Variants in RGS6 observed in about 807,000 individuals in gnomAD.
RGS6 encodes the protein regulator of G protein signaling 6.
A neutral mutation model predicts 78.5 loss-of-function variants in RGS6; 30 were observed. That is an observed-to-expected ratio of 0.38 (90% CI 0.29 to 0.52). The LOEUF (loss-of-function observed/expected upper bound fraction) is 0.52, where lower values mean the gene tolerates loss of function less well. RGS6 is among the 20% of genes least tolerant of loss of function. The probability of loss-of-function intolerance (pLI) is 0.85; values close to 1 mark genes in which losing one functional copy is unlikely to be tolerated. For missense variants in RGS6, 495 were observed against 609.7 expected (o/e 0.81, Z 1.98); for synonymous variants, 206 against 206.0 (o/e 1.00, Z 0.00).
At chr14:72,004,653 G>A (rs937364333) in intron 2 of RGS6, among the ~76,000 whole-genome samples, 4 of 151,952 alleles carry the variant, frequency 2.6e-5, no homozygotes, top group African/African-American at 9.7e-5. Flanking sequence ...GGGCAACATG[G>A]TAAAACCCTG....
intron 2 of RGS6, among the ~76,000 whole-genome samples, chr14:72,187,464 A>T (rs10483841): frequency 0.14 from 22,046 of 152,166 alleles, 1,715 homozygotes; most frequent in South Asian, 0.2. Context: ...CTTAGGTTAG[A>T]TGCATTCAGA....
chr14:72,355,602 C>T (rs991466638), intron 3 of RGS6, among the ~76,000 whole-genome samples: 1 of 152,024 alleles, frequency 6.6e-6, no homozygotes, highest in East Asian at 1.9e-4. Context: ...AAGTTCTACC[C>T]TCATGGAATT....
At chr14:72,114,073 G>T (rs549657346) in intron 2 of RGS6, among the ~76,000 whole-genome samples, 2 of 152,166 alleles carry the variant, frequency 1.3e-5, no homozygotes, top group African/African-American at 4.8e-5. Flanking sequence ...TCTGAGGACT[G>T]TTGCTTCTGA....
At chr14:72,299,207 A>G (rs958208864) in intron 2 of RGS6, among the ~76,000 whole-genome samples, 4 of 152,194 alleles carry the variant, frequency 2.6e-5, no homozygotes, top group Non-Finnish European at 5.9e-5. Flanking sequence ...AGATTTAGCT[A>G]TACAGCTAAT....
chr14:72,050,491 AT>A (rs2093164260), intron 2 of RGS6, among the ~76,000 whole-genome samples: 2 of 152,190 alleles, frequency 1.3e-5, no homozygotes, highest in East Asian at 1.9e-4. Context: ...ACAAGAGCAT[AT>A]GTTTTCTTCT....
intron 2 of RGS6, among the ~76,000 whole-genome samples, chr14:72,021,767 T>G (rs928968488): frequency 4.0e-5 from 6 of 150,742 alleles, no homozygotes; most frequent in African/African-American, 1.5e-4. Flanking sequence ...CCACTGCGCC[T>G]GGCCTTTTTT....
At chr14:72,317,108 T>C (rs559655464) in intron 2 of RGS6, among the ~76,000 whole-genome samples, 4 of 152,284 alleles carry the variant, frequency 2.6e-5, no homozygotes, top group East Asian at 3.9e-4. Context: ...TTATGTGACC[T>C]TGAGCTCATT....
intron 2 of RGS6, among the ~76,000 whole-genome samples, chr14:72,176,280 C>T (rs2097103240): frequency 6.6e-6 from 1 of 152,182 alleles, no homozygotes; most frequent in African/African-American, 2.4e-5. Flanking sequence ...CTTCCCTCCT[C>T]CCACCCCTCA....
the RGS6 span, among the ~76,000 whole-genome samples, chr14:72,578,921 G>A: frequency 2.0e-5 from 3 of 152,152 alleles, no homozygotes; most frequent in Non-Finnish European, 2.9e-5. Context: ...TGGCATTTGG[G>A]GAATAAGCAA....
At chr14:72,325,129 T>G (rs143651621) in intron 2 of RGS6, among the ~76,000 whole-genome samples, 2,535 of 152,356 alleles carry the variant, frequency 0.017, 78 homozygotes, top group African/African-American at 0.057. Flanking sequence ...TTTTTTCATG[T>G]GTGTTGGCTG....
chr14:71,901,792 T>C, the RGS6 span, among the ~76,000 whole-genome samples: 5 of 152,342 alleles, frequency 3.3e-5, no homozygotes, highest in South Asian at 1.0e-3. Context: ...AATCTAATTT[T>C]GTATACTTGT....
intron 3 of RGS6, among the ~76,000 whole-genome samples, chr14:72,381,683 T>C (rs1167991993): frequency 6.6e-6 from 1 of 152,098 alleles, no homozygotes; most frequent in East Asian, 1.9e-4. Context: ...GTCTACAAAA[T>C]ATATTTTAGG....
At chr14:72,133,211 G>A (rs1387583669) in intron 2 of RGS6, among the ~76,000 whole-genome samples, 2 of 152,092 alleles carry the variant, frequency 1.3e-5, no homozygotes, top group South Asian at 4.2e-4. Context: ...CAAGTTTCAA[G>A]ATCTCTGGTG....
intron 2 of RGS6, among the ~76,000 whole-genome samples, chr14:72,051,764 T>G (rs2153412677): frequency 6.6e-6 from 1 of 152,330 alleles, no homozygotes; most frequent in Non-Finnish European, 1.5e-5. Context: ...CAGCCATAAC[T>G]TTTAGTATGT....
chr14:72,284,848 G>T (rs368883121), intron 2 of RGS6, among the ~76,000 whole-genome samples: 6 of 152,184 alleles, frequency 3.9e-5, no homozygotes, highest in East Asian at 3.9e-4. Context: ...CACAAGGGTG[G>T]GGCTGCCCAT....
intron 2 of RGS6, among the ~76,000 whole-genome samples, chr14:72,114,434 T>A (rs977618312): frequency 2.0e-5 from 3 of 152,206 alleles, no homozygotes; most frequent in Admixed American, 6.5e-5. Context: ...AGTTGATAAT[T>A]TCTGACCCTA....
chr14:72,498,610 T>C (rs1313216371), intron 13 of RGS6, among the ~76,000 whole-genome samples: 1 of 152,168 alleles, frequency 6.6e-6, no homozygotes, highest in Non-Finnish European at 1.5e-5. Flanking sequence ...AAAAGTCTAA[T>C]GTGCAGCCAT....
intron 2 of RGS6, among the ~76,000 whole-genome samples, chr14:72,124,269 A>AT (rs1567254027): frequency 6.6e-6 from 1 of 152,118 alleles, no homozygotes. Context: ...CTGCAGCTGC[A>AT]TTTTTCATTT....
intron 3 of RGS6, among the ~76,000 whole-genome samples, chr14:72,383,213 T>TATATACATATATATAC (rs1387301746): frequency 4.2e-5 from 5 of 118,338 alleles, no homozygotes; most frequent in African/African-American, 1.6e-4. Context: ...TATATATATA[T>TATATACATATATATAC]ACACACAAAC....
Sources: allele counts gnomAD v4.1 joint callset (sites outside exome capture counted in the v4.1 genomes callset), GRCh38; gene constraint gnomAD v4.1.1; transcripts MANE v1.5; gene names NCBI Gene and HGNC (gene_info 2026-07-23, HGNC 2026-07-21).